VWA8: variants seen among roughly 807,000 people sequenced by gnomAD.
The protein encoded by VWA8 is von Willebrand factor A domain containing 8, also known as von Willebrand factor A domain-containing protein 8.
A neutral mutation model predicts 241.5 loss-of-function variants in VWA8; 221 were observed. That is an observed-to-expected ratio of 0.91 (90% CI 0.82 to 1.02). The LOEUF is 1.02. Ranked by LOEUF, VWA8 falls within the 50% of genes least tolerant of loss-of-function variation. VWA8 has a pLI of 0.00. For missense variants in VWA8, 2,322 were observed against 2,328.7 expected (o/e 1.00, Z 0.06); for synonymous variants, 852 against 827.1 (o/e 1.03, Z -0.52).
At chr13:41,827,386 TA>T (rs1289947076) in intron 14 of VWA8, among the ~76,000 whole-genome samples, 1 of 152,082 alleles carries the variant, frequency 6.6e-6, no homozygotes, top group Non-Finnish European at 1.5e-5. Flanking sequence ...ACACTAAAAA[TA>T]AATCAAATAT....
At chr13:41,928,466 A>T (rs1003807674) in intron 2 of VWA8, among the ~76,000 whole-genome samples, 7 of 152,168 alleles carry the variant, frequency 4.6e-5, no homozygotes, top group African/African-American at 1.7e-4. Flanking sequence ...ATTTACAAAT[A>T]TGTGAAAATG....
At chr13:41,793,690 C>G (rs1045458201) in intron 17 of VWA8, among the ~76,000 whole-genome samples, 4 of 152,132 alleles carry the variant, frequency 2.6e-5, no homozygotes, top group Non-Finnish European at 5.9e-5. Flanking sequence ...GTGGTGCACG[C>G]CTGTAGCTCC....
intron 2 of VWA8, among the ~76,000 whole-genome samples, chr13:41,920,611 C>T (rs1268484191): frequency 6.6e-6 from 1 of 152,040 alleles, no homozygotes; most frequent in African/African-American, 2.4e-5. Context: ...GGGGATATTA[C>T]CACCGATCCC....
At chr13:41,793,610 G>A (rs975385012) in intron 17 of VWA8, among the ~76,000 whole-genome samples, 7 of 152,038 alleles carry the variant, frequency 4.6e-5, no homozygotes. Context: ...TCAAGAGATC[G>A]AGACCATCCT....
At chr13:41,748,192 C>A (rs1271905093) in intron 21 of VWA8, among the ~76,000 whole-genome samples, 1 of 152,200 alleles carries the variant, frequency 6.6e-6, no homozygotes, top group Non-Finnish European at 1.5e-5. Context: ...CCTCCTTGTA[C>A]CTCTGGTAGA....
At chr13:41,897,132 A>G (rs1264020801) in intron 4 of VWA8, among the ~76,000 whole-genome samples, 6 of 152,206 alleles carry the variant, frequency 3.9e-5, no homozygotes, top group Admixed American at 1.3e-4. Context: ...TCAAAAAGCT[A>G]TAACTCCCTT....
intron 21 of VWA8, among the ~76,000 whole-genome samples, chr13:41,759,245 G>T (rs1413169196): frequency 6.6e-6 from 1 of 151,346 alleles, no homozygotes; most frequent in African/African-American, 2.4e-5. Context: ...TTTTCTTTCA[G>T]CACTTCAATT....
At chr13:41,768,587 C>T (rs1012397833) in intron 20 of VWA8, among the ~76,000 whole-genome samples, 9 of 151,950 alleles carry the variant, frequency 5.9e-5, no homozygotes, top group African/African-American at 9.7e-5. Context: ...TGCTATGAAA[C>T]GCAGAGAAGA....
intron 37 of VWA8, among the ~76,000 whole-genome samples, chr13:41,662,672 T>G (rs2044958644): frequency 6.6e-6 from 1 of 152,002 alleles, no homozygotes; most frequent in Non-Finnish European, 1.5e-5. Flanking sequence ...ATTGCTCCTT[T>G]TCTTTTTTAA....
intron 40 of VWA8, among the ~76,000 whole-genome samples, chr13:41,591,708 T>A (rs955416331): frequency 6.8e-6 from 1 of 148,144 alleles, no homozygotes; most frequent in Non-Finnish European, 1.5e-5. Context: ...AAAAAACACA[T>A]GAAAAAATGC....
chr13:41,691,404 T>G lies in VWA8; in HGVS notation c.3782A>C (p.His1261Pro). 1.2e-6 allele frequency: 2 copies of G among 1,612,776 alleles called. No individual in the cohort carries two copies. The highest frequency in any genetic ancestry group is 1.7e-6 in the Non-Finnish European group (2 of 1,179,070). Residue 1261 changes from histidine (H) to proline (P), a missense_variant, in exon 32 of 45, where the codon CAC (histidine) becomes CCC (proline). By Grantham distance (77) the His-to-Pro change is moderately conservative. Transcript: ENST00000379310. The stretch of plus-strand genomic sequence containing the variant: ...GAGGTTGATGGGAAGTGAGATGGTG[T>G]GAGTTCGCCCTTCTAGAACATCCAG... ...TVLDVLEGRT[H>P]TISLPINLKT... is the part of the protein sequence containing the mutation.
chr13:41,584,354 G>T (rs1280759781), intron 42 of VWA8, among the ~76,000 whole-genome samples: 2 of 152,268 alleles, frequency 1.3e-5, no homozygotes, highest in Admixed American at 1.3e-4. Context: ...GAATGAGGAT[G>T]GTGGAGTAAA....
At chr13:41,760,995 G>A (rs1335844119) in intron 21 of VWA8, 133 bp downstream of exon 21, 1 of 879,484 alleles carries the variant, frequency 1.1e-6, no homozygotes, top group East Asian at 2.5e-5. Context: ...GGAGAGAAGA[G>A]ATAAGAGCAA....
rs376459351 is a variant in VWA8, at chr13:41,602,953, G to T, written c.4986+2215C>A. On this transcript the variant is annotated intron_variant, in intron 40 of 44. Coordinates refer to ENST00000379310, the MANE Select transcript of VWA8 (RefSeq NM_015058.2). ...CATCTATTTTAGCTACTTATTCAAGGATTAAATTGCTTTTATCTTCTTTCC... is the reference window on the plus strand; with the variant it reads ...CATCTATTTTAGCTACTTATTCAAGTATTAAATTGCTTTTATCTTCTTTCC... Among the ~76,000 whole-genome samples the T allele has an allele frequency of 1.6e-4, 25 of 152,154 alleles. 1 individual carries two copies. The East Asian group carries it at 4.8e-3, about 29-fold the overall frequency.
At chr13:41,745,751 C>A (rs2045600906) in intron 21 of VWA8, among the ~76,000 whole-genome samples, 1 of 152,094 alleles carries the variant, frequency 6.6e-6, no homozygotes, top group South Asian at 2.1e-4. Flanking sequence ...CACTTTTACA[C>A]TGTTGGTGGG....
At chr13:41,697,993 T>A (rs2137823863) in intron 29 of VWA8, among the ~76,000 whole-genome samples, 1 of 152,308 alleles carries the variant, frequency 6.6e-6, no homozygotes, top group South Asian at 2.1e-4. Context: ...TCTAGAACTC[T>A]CTTCTTCCAG....
chr13:41,838,941 G>A (rs917509082), intron 12 of VWA8, among the ~76,000 whole-genome samples: 20 of 152,132 alleles, frequency 1.3e-4, no homozygotes, highest in Admixed American at 1.3e-4. Flanking sequence ...ATTGTGAATA[G>A]TGCTGCAATA....
intron 37 of VWA8, among the ~76,000 whole-genome samples, chr13:41,627,708 G>GCTCC (rs1266763073): frequency 6.6e-6 from 1 of 152,030 alleles, no homozygotes; most frequent in Non-Finnish European, 1.5e-5. Flanking sequence ...TGCAACAAAG[G>GCTCC]CTCCAGTCAG....
intron 35 of VWA8, among the ~76,000 whole-genome samples, chr13:41,676,172 G>A (rs1015088195): frequency 6.6e-6 from 1 of 152,116 alleles, no homozygotes; most frequent in Non-Finnish European, 1.5e-5. Context: ...ATGCATATAG[G>A]TGCCAAGCTG....
Sources: gnomAD v4.1 joint callset for allele counts (sites outside exome capture counted in the v4.1 genomes callset) on GRCh38, gnomAD v4.1.1 for gene constraint, MANE v1.5 for transcripts, NCBI Gene and HGNC (gene_info 2026-07-23, HGNC 2026-07-21) for gene names.